GRHL3: variants seen among roughly 807,000 people sequenced by gnomAD.
The protein encoded by GRHL3 is grainyhead-like protein 3 homolog.
Under a neutral mutation model 70.3 loss-of-function variants are expected in GRHL3, and 20 were observed. That is an observed-to-expected ratio of 0.28 (90% CI 0.20 to 0.41). The LOEUF is 0.41. Ranked by LOEUF, GRHL3 falls within the 10% of genes least tolerant of loss-of-function variation. GRHL3 has a pLI of 1.00. For missense variants in GRHL3, 637 were observed against 762.3 expected, an observed-to-expected ratio of 0.84 and a Z score of 1.94; for synonymous variants, 299 against 299.9, an observed-to-expected ratio of 1.00 and a Z score of 0.03.
In GRHL3 at chr1:24,336,397, G is replaced by A. The variant is rs1485814081; in HGVS notation, c.267-85G>A. On this transcript the variant is annotated intron_variant, in intron 3 of 15. Transcript: ENST00000361548. Reference sequence around the variant, plus strand: ...AAACATTACACTGGATCAAAGGCCAGTGTGTCAGTTGCCTTGCACTCTAGC... The same window carrying A: ...AAACATTACACTGGATCAAAGGCCAATGTGTCAGTTGCCTTGCACTCTAGC... 7 of 834,530 alleles carry A rather than the reference G, an allele frequency of 8.4e-6. No homozygotes were observed. In the East Asian group the frequency reaches 1.7e-4, roughly 21 times the overall value. 51.7% of individuals were successfully genotyped at this position (834,530 alleles called of 1,614,324 possible).
chr1:24,333,546 T>C (rs2148653467), intron 2 of GRHL3, among the ~76,000 whole-genome samples: 1 of 152,324 alleles, frequency 6.6e-6, no homozygotes, highest in Non-Finnish European at 1.5e-5. Flanking sequence ...ATTTATATAG[T>C]GCTCTCCATG....
At chr1:24,347,673 C>T (rs1640345804) in intron 14 of GRHL3, 120 bp downstream of exon 14, 9 of 781,420 alleles carry the variant, frequency 1.2e-5, no homozygotes, top group East Asian at 2.6e-5. Flanking sequence ...GTGGCCTACC[C>T]GTCCCACCCT....
chr1:24,332,274 G>C (rs1347835427), intron 2 of GRHL3, among the ~76,000 whole-genome samples: 1 of 152,048 alleles, frequency 6.6e-6, no homozygotes, highest in African/African-American at 2.4e-5. Flanking sequence ...CTCTCCTGAG[G>C]GTCTTACTGT....
At position 24,342,140 on chromosome 1, in the gene GRHL3, G is replaced by A; in HGVS notation, c.1073G>A (p.Ser358Asn). The change falls in exon 9 of 16, where the codon AGC becomes AAC. Residue 358 changes from serine (S) to asparagine (N), a missense_variant. By Grantham distance (46) the Ser-to-Asn change is conservative (BLOSUM62 1). Coordinates refer to ENST00000361548, the MANE Select transcript of GRHL3 (RefSeq NM_198173.3). This position sits in a 1 kb window ranked among gnomAD's most constrained non-coding sequence, Gnocchi z 4.8. Reference sequence around the variant, plus strand: ...GTGTTCATCGGCGTAAACTGTCTGAGCACAGACTTTTCCTCACAAAAGGGG... The same window carrying A: ...GTGTTCATCGGCGTAAACTGTCTGAACACAGACTTTTCCTCACAAAAGGGG... ...AKVFIGVNCL[S>N]TDFSSQKGVK... is the part of the protein sequence containing the mutation. 6.2e-7 allele frequency: 1 copy of A among 1,605,148 alleles called. No individual in the cohort carries two copies. The highest frequency in any genetic ancestry group is 1.1e-5 in the South Asian group (1 of 89,340).
intron 7 of GRHL3, among the ~76,000 whole-genome samples, chr1:24,338,541 C>T (rs1362202569): frequency 2.0e-5 from 3 of 152,222 alleles, no homozygotes; most frequent in African/African-American, 4.8e-5. Flanking sequence ...AGGCACAGCC[C>T]GCCCTCAAGT....
At chr1:24,353,941 C>T (rs1338605648) in intron 15 of GRHL3, among the ~76,000 whole-genome samples, 3 of 152,118 alleles carry the variant, frequency 2.0e-5, no homozygotes, top group African/African-American at 7.2e-5. Flanking sequence ...CTCAGGCATG[C>T]CTGAGGGACA....
intron 12 of GRHL3, among the ~76,000 whole-genome samples, 192 bp from the exon 13 acceptor site, chr1:24,346,361 C>T (rs1229189792): frequency 2.6e-5 from 4 of 152,172 alleles, no homozygotes; most frequent in Non-Finnish European, 5.9e-5. Context: ...ACACCTAGTG[C>T]GTGGCAGGGC....
chr1:24,358,082 T>C (rs1640839471), downstream of GRHL3: 1 of 389,804 alleles, frequency 2.6e-6, no homozygotes, highest in Non-Finnish European at 5.2e-6. Context: ...AAGGGACAAA[T>C]GAGAAAGGCA....
At chr1:24,336,423 C>A in intron 3 of GRHL3, 59 bp from the exon 4 acceptor site, 2 of 1,217,976 alleles carry the variant, frequency 1.6e-6, no homozygotes, top group Non-Finnish European at 2.3e-6. Flanking sequence ...GCACTCTAGC[C>A]AAAGACCCCC....
At chr1:24,349,084 C>A (rs886105330) in intron 14 of GRHL3, among the ~76,000 whole-genome samples, 1 of 152,144 alleles carries the variant, frequency 6.6e-6, no homozygotes, top group Non-Finnish European at 1.5e-5. Flanking sequence ...GTGAGGAAAC[C>A]GAGGCTCAGA....
At chr1:24,337,341 C>T (rs1253933823) in intron 5 of GRHL3, among the ~76,000 whole-genome samples, 190 bp downstream of exon 5, 1 of 152,194 alleles carries the variant, frequency 6.6e-6, no homozygotes, top group East Asian at 1.9e-4. Flanking sequence ...GAGCTCAGAA[C>T]TTGTACCTTA....
At chr1:24,335,732 G>C (rs1011152647) in intron 3 of GRHL3, among the ~76,000 whole-genome samples, 1 of 151,928 alleles carries the variant, frequency 6.6e-6, no homozygotes, top group Non-Finnish European at 1.5e-5. Flanking sequence ...ACAGGCTCCC[G>C]CCACCTCGCC....
At chr1:24,349,393 G>A (rs1037347939) in intron 14 of GRHL3, among the ~76,000 whole-genome samples, 4 of 152,190 alleles carry the variant, frequency 2.6e-5, no homozygotes, top group African/African-American at 4.8e-5. Context: ...TAATAATTCC[G>A]GCCTAAAAGG....
At chr1:24,319,747 G>A (rs1639108947) in intron 1 of GRHL3, 179 bp downstream of exon 1, 9 of 1,519,632 alleles carry the variant, frequency 5.9e-6, no homozygotes, top group South Asian at 1.2e-5. Flanking sequence ...TCAAGCTAGA[G>A]GTGAGTGTTT....
At chr1:24,336,886 G>C in intron 4 of GRHL3, 59 bp downstream of exon 4, 1 of 1,395,172 alleles carries the variant, frequency 7.2e-7, no homozygotes, top group Non-Finnish European at 9.9e-7. Context: ...TACAGAATGA[G>C]AGAAGATAGT....
chr1:24,320,144 T>C (rs1639125250), intron 1 of GRHL3, among the ~76,000 whole-genome samples: 1 of 152,242 alleles, frequency 6.6e-6, no homozygotes, highest in South Asian at 2.1e-4. Context: ...GGGCTTCATT[T>C]TCCTCATCTG....
At chr1:24,341,443 T>C (rs1640035763) in intron 8 of GRHL3, among the ~76,000 whole-genome samples, 1 of 152,150 alleles carries the variant, frequency 6.6e-6, no homozygotes. Context: ...GGGCGGCCCC[T>C]CCTCCAGGCT....
At position 24,337,041 on chromosome 1, in the gene GRHL3, T is replaced by C. The variant is rs959772258; in HGVS notation, c.613-37T>C. ...GGGCTGAGGCTTCCCAGAGTGAATG[T>C]GAGCATTTATTCTCTTGGGGCTGTG... On this transcript the variant is annotated intron_variant, in intron 4 of 15. Transcript: ENST00000361548. 1.9e-6 allele frequency: 3 copies of C among 1,588,250 alleles called. No homozygotes were observed. The African/African-American group carries it at 4.0e-5, about 21-fold the overall frequency.
At chr1:24,359,856 G>A (rs893790073), downstream of GRHL3, among the ~76,000 whole-genome samples, 8 of 152,198 alleles carry the variant, frequency 5.3e-5, no homozygotes, top group African/African-American at 1.4e-4. The surrounding 1 kb of genome is among the most constrained non-coding windows in gnomAD (Gnocchi z 5.3). Context: ...CACAGAGGCC[G>A]CCCACTGGAC....
Sources: allele counts gnomAD v4.1 joint callset (sites outside exome capture counted in the v4.1 genomes callset), GRCh38; gene constraint gnomAD v4.1.1; non-coding constraint Gnocchi (gnomAD v3.1); transcripts MANE v1.5; gene names NCBI Gene and HGNC (gene_info 2026-07-23, HGNC 2026-07-21).